The following NAV2 variants were observed in gnomAD, a reference collection of about 807,000 sequenced individuals.
The protein encoded by NAV2 is helicase, APC down-regulated 1.
Under a neutral mutation model 223.2 loss-of-function variants are expected in NAV2, and 54 were observed. The ratio of observed to expected loss-of-function variants is 0.24; its 90% confidence interval spans 0.19 to 0.30. NAV2 has a LOEUF of 0.30. Ranked by LOEUF, NAV2 falls within the 10% of genes least tolerant of loss-of-function variation. The pLI is 1.00. For synonymous variants in NAV2, 1,279 were observed against 1,239.3 expected (o/e 1.03, Z -0.67); for missense variants, 2,806 against 3,147.5 (o/e 0.89, Z 2.60).
intron 1 of NAV2, among the ~76,000 whole-genome samples, chr11:19,706,880 G>A (rs11603922): frequency 4.0e-4 from 61 of 152,166 alleles, no homozygotes; most frequent in Non-Finnish European, 6.8e-4. Flanking sequence ...AGATGGGATG[G>A]CCTACTACAC....
intron 1 of NAV2, among the ~76,000 whole-genome samples, chr11:19,423,413 G>A (rs939627930): frequency 6.6e-6 from 1 of 152,172 alleles, no homozygotes; most frequent in Non-Finnish European, 1.5e-5. Flanking sequence ...TAGAGAGATG[G>A]GTCAAAAAGC....
chr11:19,384,757 C>A (rs1002616270), intron 1 of NAV2: 1 of 152,210 alleles, frequency 6.6e-6, no homozygotes, highest in African/African-American at 2.4e-5. Flanking sequence ...CTTCATACAA[C>A]AAGGCATCTG....
chr11:19,626,101 T>C (rs2047162038), intron 1 of NAV2, among the ~76,000 whole-genome samples: 1 of 152,258 alleles, frequency 6.6e-6, no homozygotes, highest in African/African-American at 2.4e-5. Flanking sequence ...ATTCATAAAA[T>C]CTTCTCCAAT....
intron 10 of NAV2, among the ~76,000 whole-genome samples, chr11:19,971,175 C>T (rs1393983104): frequency 2.0e-5 from 3 of 152,076 alleles, no homozygotes; most frequent in African/African-American, 7.3e-5. Context: ...GCCCCACAGG[C>T]ACGTTTTTGA....
chr11:20,046,436 T>TCAGCTGTTAATAA (rs2057437040), intron 14 of NAV2, among the ~76,000 whole-genome samples: 1 of 152,196 alleles, frequency 6.6e-6, no homozygotes, highest in African/African-American at 2.4e-5. Context: ...GATACATTTT[T>TCAGCTGTTAATAA]TTCTTGTGTT....
intron 11 of NAV2, among the ~76,000 whole-genome samples, chr11:20,023,568 G>A (rs1156799696): frequency 6.6e-6 from 1 of 152,132 alleles, no homozygotes; most frequent in African/African-American, 2.4e-5. Flanking sequence ...CCGGAAAAAG[G>A]CAGTGTGGCC....
intron 1 of NAV2, among the ~76,000 whole-genome samples, chr11:19,383,857 C>G (rs1848937383): frequency 6.6e-6 from 1 of 152,192 alleles, no homozygotes; most frequent in Non-Finnish European, 1.5e-5. Flanking sequence ...TGTTTGTATT[C>G]CTGTTAACCC....
intron 11 of NAV2, among the ~76,000 whole-genome samples, chr11:20,009,946 T>C (rs1298082757): frequency 2.0e-5 from 3 of 152,184 alleles, no homozygotes; most frequent in African/African-American, 7.2e-5. Flanking sequence ...CTTTTCCTTA[T>C]CATAGTACCA....
intron 1 of NAV2, among the ~76,000 whole-genome samples, chr11:19,409,564 G>A (rs1159476723): frequency 6.6e-6 from 1 of 152,208 alleles, no homozygotes; most frequent in Non-Finnish European, 1.5e-5. Flanking sequence ...TCCTTTCTAA[G>A]TGGAATGGTG....
chr11:19,821,017 C>T (rs920703760), intron 1 of NAV2, among the ~76,000 whole-genome samples: 1 of 152,210 alleles, frequency 6.6e-6, no homozygotes, highest in Non-Finnish European at 1.5e-5. Flanking sequence ...AATCCCAGCA[C>T]TTTGGGAGGC....
At position 20,082,930 on chromosome 11, in the gene NAV2, T is replaced by A; in HGVS notation, c.5326-77T>A. The A allele has an allele frequency of 3.7e-6, 5 of 1,351,230 alleles. No homozygotes were observed. In the South Asian group the frequency reaches 7.3e-5, roughly 20 times the overall value. 83.7% of individuals were successfully genotyped at this position (1,351,230 alleles called of 1,614,324 possible). On this transcript the variant is annotated intron_variant, in intron 25 of 37. Coordinates refer to ENST00000349880, the MANE Select transcript of NAV2 (RefSeq NM_145117.5). ...AACATGGGAGAATTAATCGCTTTTT[T>A]GTGTGCATGTCTCTGTTTTGCCAAG...
At chr11:19,364,631 C>T (rs1854157056) in intron 1 of NAV2, among the ~76,000 whole-genome samples, 1 of 152,180 alleles carries the variant, frequency 6.6e-6, no homozygotes, top group Admixed American at 6.5e-5. Flanking sequence ...CTGCTTAGAG[C>T]CCCTGAACAC....
intron 1 of NAV2, among the ~76,000 whole-genome samples, chr11:19,799,644 T>C (rs1279189893): frequency 6.6e-6 from 1 of 152,126 alleles, no homozygotes; most frequent in Non-Finnish European, 1.5e-5. Context: ...CTTCAGAAAG[T>C]CTGTCACCTG....
chr11:19,577,835 C>T (rs980785929), intron 1 of NAV2, among the ~76,000 whole-genome samples: 3 of 152,158 alleles, frequency 2.0e-5, no homozygotes, highest in Admixed American at 6.5e-5. Flanking sequence ...GAGCAAGATG[C>T]TCATTCATTC....
intron 2 of NAV2, among the ~76,000 whole-genome samples, chr11:19,841,190 TA>T (rs904601670): frequency 2.0e-5 from 3 of 151,886 alleles, no homozygotes; most frequent in Non-Finnish European, 2.9e-5. Context: ...TGGCAGGTTC[TA>T]AAAAAAAGGT....
At chr11:19,601,557 A>G (rs1319392892) in intron 1 of NAV2, among the ~76,000 whole-genome samples, 1 of 152,140 alleles carries the variant, frequency 6.6e-6, no homozygotes, top group Non-Finnish European at 1.5e-5. Flanking sequence ...GGTCCCAGAC[A>G]TGGTACCCCA....
At chr11:19,586,049 T>A (rs1277878293) in intron 1 of NAV2, among the ~76,000 whole-genome samples, 1 of 152,244 alleles carries the variant, frequency 6.6e-6, no homozygotes, top group Non-Finnish European at 1.5e-5. Flanking sequence ...TTTCACATAG[T>A]CCCATATTTG....
chr11:19,869,057 C>T (rs1444284835), intron 4 of NAV2, 60 bp downstream of exon 4: 3 of 1,475,766 alleles, frequency 2.0e-6, no homozygotes, highest in Admixed American at 1.7e-5. Flanking sequence ...CCACCTGTTA[C>T]TTATGAATGA....
chr11:19,407,439 G>C (rs540888121), intron 1 of NAV2, among the ~76,000 whole-genome samples: 1 of 152,340 alleles, frequency 6.6e-6, no homozygotes, highest in East Asian at 1.9e-4. Context: ...ATGTGCAAAG[G>C]CCTACAGATA....
Sources: gnomAD v4.1 joint callset for allele counts (sites outside exome capture counted in the v4.1 genomes callset) on GRCh38, gnomAD v4.1.1 for gene constraint, MANE v1.5 for transcripts, NCBI Gene and HGNC (gene_info 2026-07-23, HGNC 2026-07-21) for gene names.